Variants in GRID2 observed in about 807,000 individuals in gnomAD.
The protein encoded by GRID2 is glutamate ionotropic receptor delta type subunit 2, also known as glutamate receptor ionotropic, delta-2.
In GRID2, 33 loss-of-function variants were observed where a neutral mutation model predicts 114.8. That is an observed-to-expected ratio of 0.29 (90% CI 0.22 to 0.38). The LOEUF (loss-of-function observed/expected upper bound fraction) is 0.38, where lower values mean the gene tolerates loss of function less well. Ranked by LOEUF, GRID2 falls within the 10% of genes least tolerant of loss-of-function variation. GRID2 has a pLI of 1.00. For synonymous variants in GRID2, 505 were observed against 449.9 expected (o/e 1.12, Z -1.55); for missense variants, 1,184 against 1,257.7 (o/e 0.94, Z 0.89).
chr4:92,886,836 A>G (rs943634526), intron 2 of GRID2, among the ~76,000 whole-genome samples: 1 of 152,138 alleles, frequency 6.6e-6, no homozygotes, highest in African/African-American at 2.4e-5. Context: ...CGTGTTAGCC[A>G]GGATGGCCTT....
chr4:92,816,813 C>T (rs1740945913), intron 2 of GRID2, among the ~76,000 whole-genome samples: 1 of 152,092 alleles, frequency 6.6e-6, no homozygotes, highest in African/African-American at 2.4e-5. Context: ...TAACAACTTA[C>T]AAAGCTCTGC....
intron 9 of GRID2, among the ~76,000 whole-genome samples, chr4:93,404,061 T>G (rs1244493204): frequency 6.6e-6 from 1 of 152,134 alleles, no homozygotes; most frequent in African/African-American, 2.4e-5. Flanking sequence ...AATTACATGT[T>G]GATAACAGTG....
chr4:92,527,693 T>C (rs1265397169), intron 1 of GRID2, among the ~76,000 whole-genome samples: 4 of 151,968 alleles, frequency 2.6e-5, no homozygotes, highest in Non-Finnish European at 5.9e-5. Flanking sequence ...ACTTAGTGTG[T>C]TAGTAGCATA....
At chr4:92,441,352 G>A (rs1397228730) in intron 1 of GRID2, among the ~76,000 whole-genome samples, 1 of 152,122 alleles carries the variant, frequency 6.6e-6, no homozygotes, top group African/African-American at 2.4e-5. Context: ...TACAGCCTAG[G>A]TAATTTGTGG....
intron 1 of GRID2, among the ~76,000 whole-genome samples, chr4:92,549,960 A>C (rs1197816268): frequency 6.6e-6 from 1 of 152,194 alleles, no homozygotes; most frequent in Non-Finnish European, 1.5e-5. Context: ...GACAACCCAC[A>C]TAACATTAAA....
In GRID2 at chr4:93,201,774, T is replaced by C. The variant is rs774650763; in HGVS notation, c.736-5630T>C. On this transcript the variant is annotated intron_variant, in intron 4 of 15. Transcript: ENST00000282020. ...TTCCTTGCATTGGGTTGTGTTATATTTAGCACATCTAAAGATTTGAGAATG... is the reference window on the plus strand; with the variant it reads ...TTCCTTGCATTGGGTTGTGTTATATCTAGCACATCTAAAGATTTGAGAATG... Among the ~76,000 whole-genome samples, 2 of 152,136 alleles carry C rather than the reference T, an allele frequency of 1.3e-5. 1 individual carries two copies. The highest frequency in any genetic ancestry group is 1.3e-4 in the Admixed American group (2 of 15,278).
At chr4:93,279,450 A>G (rs987224023) in intron 8 of GRID2, among the ~76,000 whole-genome samples, 1 of 151,880 alleles carries the variant, frequency 6.6e-6, no homozygotes, top group Non-Finnish European at 1.5e-5. Flanking sequence ...ATCCTAAGCA[A>G]TTTGAGGGAT....
intron 1 of GRID2, among the ~76,000 whole-genome samples, chr4:92,522,680 G>C (rs1361277274): frequency 1.3e-5 from 2 of 151,950 alleles, no homozygotes; most frequent in Non-Finnish European, 2.9e-5. Context: ...TCATGGATTG[G>C]ATGTAGGATC....
intron 14 of GRID2, among the ~76,000 whole-genome samples, chr4:93,652,653 C>T (rs1722677467): frequency 6.6e-6 from 1 of 151,936 alleles, no homozygotes; most frequent in Admixed American, 6.6e-5. Flanking sequence ...ATACATTTTT[C>T]AGAACACATC....
intron 8 of GRID2, among the ~76,000 whole-genome samples, chr4:93,331,737 C>T (rs897988416): frequency 2.6e-5 from 4 of 152,072 alleles, no homozygotes; most frequent in African/African-American, 9.7e-5. Flanking sequence ...GACTGGTAGA[C>T]TCTATCAATT....
At chr4:93,042,077 G>A (rs1725569483) in intron 2 of GRID2, among the ~76,000 whole-genome samples, 1 of 151,700 alleles carries the variant, frequency 6.6e-6, no homozygotes, top group South Asian at 2.1e-4. Context: ...TAATTTTTTT[G>A]TATTTTTAGT....
chr4:92,905,412 A>G (rs1247724549), intron 2 of GRID2, among the ~76,000 whole-genome samples: 1 of 150,764 alleles, frequency 6.6e-6, no homozygotes, highest in Non-Finnish European at 1.5e-5. Flanking sequence ...TTGTGAGGAT[A>G]GAGTTAGGTA....
intron 2 of GRID2, among the ~76,000 whole-genome samples, chr4:92,691,478 T>G (rs536170029): frequency 6.6e-6 from 1 of 152,104 alleles, no homozygotes; most frequent in Non-Finnish European, 1.5e-5. Flanking sequence ...GGATGGAATC[T>G]GAAGGGAGCG....
intron 8 of GRID2, among the ~76,000 whole-genome samples, chr4:93,258,542 A>C (rs1280381366): frequency 2.0e-5 from 3 of 151,666 alleles, no homozygotes; most frequent in African/African-American, 7.2e-5. Context: ...TTTCAAAGAC[A>C]TGTTTTGAAA....
At chr4:93,295,445 A>G (rs1427425283) in intron 8 of GRID2, among the ~76,000 whole-genome samples, 4 of 152,204 alleles carry the variant, frequency 2.6e-5, no homozygotes, top group African/African-American at 9.7e-5. Flanking sequence ...TAGTAAATGT[A>G]TATTAAGATA....
chr4:93,616,277 C>T (rs1176790848), intron 13 of GRID2, among the ~76,000 whole-genome samples: 1 of 152,014 alleles, frequency 6.6e-6, no homozygotes, highest in Non-Finnish European at 1.5e-5. Flanking sequence ...GGCACAGTGG[C>T]TCTCGCCTAT....
chr4:92,361,189 T>C (rs1016235830), intron 1 of GRID2, among the ~76,000 whole-genome samples: 8 of 151,936 alleles, frequency 5.3e-5, no homozygotes, highest in Non-Finnish European at 1.0e-4. Flanking sequence ...ATGACCTTTC[T>C]AGGAGGCAAA....
At chr4:92,928,271 A>G (rs527558526) in intron 2 of GRID2, among the ~76,000 whole-genome samples, 1 of 151,874 alleles carries the variant, frequency 6.6e-6, no homozygotes, top group African/African-American at 2.4e-5. Context: ...TTTACAGAGT[A>G]AAAAGTAGAG....
Position 92,597,699 on chromosome 4 carries a change from T to C in GRID2, c.244+7413T>C, listed in dbSNP as rs142079284. Reference sequence around the variant, plus strand: ...TATTCTTCTATGTCTGTATGTATGGTGCATGGATATGGTAACATAATTCAC... The same window carrying C: ...TATTCTTCTATGTCTGTATGTATGGCGCATGGATATGGTAACATAATTCAC... On this transcript the variant is annotated intron_variant, in intron 2 of 15. Transcript: ENST00000282020. 5.3e-3 allele frequency among the ~76,000 whole-genome samples: 806 copies of C among 152,308 alleles called. 9 individuals are homozygous for C. The highest frequency in any genetic ancestry group is 6.8e-3 in the Middle Eastern group (2 of 294).
Sources: allele counts gnomAD v4.1 joint callset (sites outside exome capture counted in the v4.1 genomes callset), GRCh38; gene constraint gnomAD v4.1.1; transcripts MANE v1.5; gene names NCBI Gene and HGNC (gene_info 2026-07-23, HGNC 2026-07-21).